Variants in UBE2E2 observed in about 807,000 individuals in gnomAD.
UBE2E2 encodes the protein ubiquitin-conjugating enzyme E2 E2.
A neutral mutation model predicts 24.7 loss-of-function variants in UBE2E2; 6 were observed. The observed-to-expected ratio is 0.24, with a 90% confidence interval of 0.13 to 0.48. The LOEUF (loss-of-function observed/expected upper bound fraction) is 0.48. UBE2E2 is among the 20% of genes least tolerant of loss of function. The pLI, the probability that UBE2E2 is intolerant of heterozygous loss-of-function variation, is 0.99. For missense variants in UBE2E2, 169 were observed against 245.0 expected (o/e 0.69, Z 2.07); for synonymous variants, 104 against 83.6 (o/e 1.24, Z -1.33).
chr3:23,308,967 G>A (rs991207062), intron 3 of UBE2E2, among the ~76,000 whole-genome samples: 21 of 152,036 alleles, frequency 1.4e-4, no homozygotes, highest in Non-Finnish European at 1.5e-4. Flanking sequence ...AGCACAGGTG[G>A]AGGAAAAGAT....
chr3:23,316,249 C>T (rs1245533091), intron 3 of UBE2E2, among the ~76,000 whole-genome samples: 2 of 152,202 alleles, frequency 1.3e-5, no homozygotes, highest in African/African-American at 2.4e-5. Context: ...CATCCAAGAG[C>T]GAGGGCCCGG....
In UBE2E2 at chr3:23,314,778, A is replaced by G. The variant is rs553848977; in HGVS notation, c.227+97466A>G. 2.0e-5 allele frequency among the ~76,000 whole-genome samples: 3 copies of G among 152,270 alleles called. No individual in the cohort carries two copies. In the South Asian group the frequency reaches 6.2e-4, roughly 32 times the overall value. The stretch of plus-strand genomic sequence containing the variant: ...CACTTCAAATATGTCATGCCACTCT[A>G]TGCTGGTCTGTGACGTTTCCACTGA... On this transcript the variant is annotated intron_variant, in intron 3 of 5. Transcript: ENST00000396703.
chr3:23,431,526 G>C (rs923302108), intron 3 of UBE2E2, among the ~76,000 whole-genome samples: 1 of 152,004 alleles, frequency 6.6e-6, no homozygotes, highest in Non-Finnish European at 1.5e-5. Context: ...TCTGATGCCT[G>C]TGAGCTGTGG....
chr3:23,397,569 T>C (rs1575604431), intron 3 of UBE2E2, among the ~76,000 whole-genome samples: 1 of 152,352 alleles, frequency 6.6e-6, no homozygotes, highest in Non-Finnish European at 1.5e-5. Flanking sequence ...AACCACTGTT[T>C]GTTATAATCA....
chr3:23,341,922 A>G (rs1695399680), intron 3 of UBE2E2, among the ~76,000 whole-genome samples: 1 of 152,226 alleles, frequency 6.6e-6, no homozygotes, highest in Admixed American at 6.5e-5. Context: ...AAAGACTTCA[A>G]AGATTAAGTA....
At chr3:23,251,297 A>G (rs1294705592) in intron 3 of UBE2E2, among the ~76,000 whole-genome samples, 1 of 151,896 alleles carries the variant, frequency 6.6e-6, no homozygotes, top group Admixed American at 6.6e-5. Context: ...CCTCCTCCCA[A>G]CGCCCCCCTC....
intron 5 of UBE2E2, among the ~76,000 whole-genome samples, chr3:23,538,737 C>T (rs1016650405): frequency 6.6e-6 from 1 of 151,924 alleles, no homozygotes; most frequent in African/African-American, 2.4e-5. Flanking sequence ...AGAAGATATA[C>T]AGAAGTGATT....
intron 3 of UBE2E2, among the ~76,000 whole-genome samples, chr3:23,324,023 T>A (rs1489332208): frequency 2.0e-5 from 3 of 152,280 alleles, no homozygotes; most frequent in East Asian, 3.9e-4. Context: ...TTGATGTGTG[T>A]CTGTAAACTG....
At chr3:23,234,551 A>T (rs1697055098) in intron 3 of UBE2E2, among the ~76,000 whole-genome samples, 1 of 152,194 alleles carries the variant, frequency 6.6e-6, no homozygotes, top group Non-Finnish European at 1.5e-5. Flanking sequence ...GTAAGAGATT[A>T]GGTAGGCTTA....
chr3:23,203,384 C>T lies in UBE2E2; in HGVS notation c.-89C>T. The T allele has an allele frequency of 6.1e-6, 6 of 985,684 alleles. No individual in the cohort carries two copies. Among genetic ancestry groups the T allele is most frequent in the African/African-American group, 1.7e-5 (1 of 57,214 alleles). The allele number at this position is 985,684 out of a possible 1,614,324, so 61.1% of individuals were successfully genotyped here. On this transcript the variant is annotated 5_prime_UTR_variant, in exon 1 of 6. Transcript: ENST00000396703. ...ATCCCGTCCCTGGGGCCTCCCCAGTCTCCCTCCCCCTCGCGCCTGGGCAGC... is the reference window on the plus strand; with the variant it reads ...ATCCCGTCCCTGGGGCCTCCCCAGTTTCCCTCCCCCTCGCGCCTGGGCAGC...
In UBE2E2 at chr3:23,407,310, G is replaced by A. The variant is rs1483618673; in HGVS notation, c.228-92298G>A. 6.6e-6 allele frequency among the ~76,000 whole-genome samples: 1 copy of A among 152,010 alleles called. No individual in the cohort carries two copies. The highest frequency in any genetic ancestry group is 1.5e-5 in the Non-Finnish European group (1 of 68,014). The stretch of plus-strand genomic sequence containing the variant: ...CATCTGAGACAACCTGGTATAAACA[G>A]CCCTAGTCTAGCTGCTACACAGCTG... On this transcript the variant is annotated intron_variant, in intron 3 of 5. Transcript: ENST00000396703. The surrounding 1 kb of genome is among the most constrained non-coding windows in gnomAD (Gnocchi z 4.0).
chr3:23,478,186 T>A (rs1027211242), intron 3 of UBE2E2, among the ~76,000 whole-genome samples: 4 of 152,250 alleles, frequency 2.6e-5, no homozygotes, highest in Non-Finnish European at 5.9e-5. Context: ...GTTGTTCTAG[T>A]ATTTATTATG....
intron 3 of UBE2E2, among the ~76,000 whole-genome samples, chr3:23,222,573 T>G (rs1467566788): frequency 6.6e-6 from 1 of 152,206 alleles, no homozygotes; most frequent in African/African-American, 2.4e-5. Flanking sequence ...TTCTCTTGTC[T>G]GCCACCATGT....
At chr3:23,218,966 AGCAAAAT>A (rs1436960978) in intron 3 of UBE2E2, among the ~76,000 whole-genome samples, 8 of 152,192 alleles carry the variant, frequency 5.3e-5, no homozygotes, top group Admixed American at 2.6e-4. Flanking sequence ...TCATAAATAG[AGCAAAAT>A]GTGTATTACA....
intron 4 of UBE2E2, among the ~76,000 whole-genome samples, chr3:23,513,767 T>C (rs1694664203): frequency 6.6e-6 from 1 of 152,242 alleles, no homozygotes; most frequent in Admixed American, 6.5e-5. Context: ...TAAAAGAATA[T>C]TTATAATTGC....
At chr3:23,564,408 T>A (rs965408201) in intron 5 of UBE2E2, among the ~76,000 whole-genome samples, 1 of 151,984 alleles carries the variant, frequency 6.6e-6, no homozygotes, top group Non-Finnish European at 1.5e-5. Context: ...AAAGAACTAT[T>A]TTAGAATTTA....
intron 5 of UBE2E2, among the ~76,000 whole-genome samples, chr3:23,562,120 T>C (rs1196789340): frequency 6.6e-6 from 1 of 152,104 alleles, no homozygotes; most frequent in Non-Finnish European, 1.5e-5. Flanking sequence ...ATAGGAGTGG[T>C]GGGAGAGGGC....
At chr3:23,228,535 A>C (rs772865676) in intron 3 of UBE2E2, among the ~76,000 whole-genome samples, 2 of 152,134 alleles carry the variant, frequency 1.3e-5, no homozygotes. Context: ...CTTTACGGTG[A>C]TTATTATGCT....
intron 3 of UBE2E2, among the ~76,000 whole-genome samples, chr3:23,401,723 T>C (rs1208288743): frequency 6.6e-6 from 1 of 152,022 alleles, no homozygotes; most frequent in Non-Finnish European, 1.5e-5. Flanking sequence ...CTCTGTCGCC[T>C]AGGCTGTAGT....
Sources: gnomAD v4.1 joint callset for allele counts (sites outside exome capture counted in the v4.1 genomes callset) on GRCh38, gnomAD v4.1.1 for gene constraint, Gnocchi (gnomAD v3.1) non-coding constraint, MANE v1.5 for transcripts, NCBI Gene and HGNC (gene_info 2026-07-23, HGNC 2026-07-21) for gene names.